DNAJC1: variants seen among roughly 807,000 people sequenced by gnomAD.
The protein encoded by DNAJC1 is dnaJ homolog subfamily C member 1.
DNAJC1 carries 58 observed loss-of-function variants against 76.6 expected under a neutral mutation model. That is an observed-to-expected ratio of 0.76 (90% confidence interval 0.61 to 0.94). DNAJC1 has a LOEUF of 0.94. Ranked by LOEUF, DNAJC1 falls within the 40% of genes least tolerant of loss-of-function variation. The probability of loss-of-function intolerance (pLI) is 0.00; values close to 1 mark genes in which losing one functional copy is unlikely to be tolerated. For synonymous variants in DNAJC1, 258 were observed against 267.9 expected, an observed-to-expected ratio of 0.96 and a Z score of 0.36; for missense variants, 689 against 677.3, an observed-to-expected ratio of 1.02 and a Z score of -0.19.
At chr10:21,774,770 C>T (rs1834432408) in intron 9 of DNAJC1, among the ~76,000 whole-genome samples, 1 of 152,206 alleles carries the variant, frequency 6.6e-6, no homozygotes, top group Non-Finnish European at 1.5e-5. Flanking sequence ...AGCCACCGCG[C>T]CCGGCCTAAA....
intron 1 of DNAJC1, among the ~76,000 whole-genome samples, chr10:21,936,338 A>G (rs1391639104): frequency 6.6e-6 from 1 of 152,244 alleles, no homozygotes; most frequent in East Asian, 1.9e-4. Flanking sequence ...ATTACCCAGC[A>G]TAAAGTATTT....
At chr10:21,998,912 T>A (rs1429433020) in intron 1 of DNAJC1, among the ~76,000 whole-genome samples, 2 of 152,204 alleles carry the variant, frequency 1.3e-5, no homozygotes, top group Non-Finnish European at 2.9e-5. Context: ...TGCCTTACTA[T>A]GAAGAAAATA....
intron 8 of DNAJC1, among the ~76,000 whole-genome samples, chr10:21,862,875 G>A (rs1835939133): frequency 1.3e-5 from 2 of 152,070 alleles, no homozygotes; most frequent in African/African-American, 4.8e-5. Context: ...GCTCACGCCT[G>A]TAATCCCGGT....
chr10:21,991,812 C>T (rs546448074), intron 1 of DNAJC1, among the ~76,000 whole-genome samples: 1 of 152,238 alleles, frequency 6.6e-6, no homozygotes, highest in South Asian at 2.1e-4. Context: ...AACTGATATT[C>T]TACTGAGTTA....
chr10:21,815,395 C>T (rs1305647223), intron 8 of DNAJC1, among the ~76,000 whole-genome samples: 1 of 152,164 alleles, frequency 6.6e-6, no homozygotes, highest in Non-Finnish European at 1.5e-5. Context: ...ATCGCTAATG[C>T]ATCCTGTTAC....
intron 8 of DNAJC1, among the ~76,000 whole-genome samples, chr10:21,839,943 C>T (rs1169010223): frequency 1.3e-5 from 2 of 152,152 alleles, no homozygotes; most frequent in African/African-American, 4.8e-5. Context: ...AAGGCTGGTT[C>T]AACATACGCA....
At chr10:21,987,145 C>T (rs575641871) in intron 1 of DNAJC1, among the ~76,000 whole-genome samples, 37 of 152,274 alleles carry the variant, frequency 2.4e-4, no homozygotes, top group Middle Eastern at 6.8e-3. Context: ...GAAATATAGT[C>T]TTATCCAAAC....
chr10:21,768,589 A>G (rs1834330430), intron 9 of DNAJC1, among the ~76,000 whole-genome samples: 1 of 152,242 alleles, frequency 6.6e-6, no homozygotes, highest in Non-Finnish European at 1.5e-5. Flanking sequence ...GAAATAGATC[A>G]TTTGTTTTCC....
At chr10:21,855,014 T>A (rs919748623) in intron 8 of DNAJC1, among the ~76,000 whole-genome samples, 1 of 152,170 alleles carries the variant, frequency 6.6e-6, no homozygotes, top group African/African-American at 2.4e-5. Flanking sequence ...CTGATAAAAA[T>A]CTACTTTAAC....
At chr10:21,893,796 G>C (rs1463404672) in intron 7 of DNAJC1, among the ~76,000 whole-genome samples, 1 of 151,420 alleles carries the variant, frequency 6.6e-6, no homozygotes, top group East Asian at 1.9e-4. Context: ...CAATCCAAAA[G>C]CAAGCAGAAG....
At chr10:21,780,540 A>C (rs1834514164) in intron 9 of DNAJC1, among the ~76,000 whole-genome samples, 1 of 152,222 alleles carries the variant, frequency 6.6e-6, no homozygotes, top group Admixed American at 6.5e-5. Flanking sequence ...CAGACAAGCA[A>C]ATGCTGAGAG....
At chr10:21,785,545 C>T (rs960743995) in intron 9 of DNAJC1, 3 of 152,058 alleles carry the variant, frequency 2.0e-5, no homozygotes, top group East Asian at 1.9e-4. Flanking sequence ...AGTAGGCAGT[C>T]GAAAATATAA....
At chr10:21,877,608 C>A (rs1212579112) in intron 8 of DNAJC1, among the ~76,000 whole-genome samples, 1 of 152,050 alleles carries the variant, frequency 6.6e-6, no homozygotes, top group African/African-American at 2.4e-5. Context: ...GCAAATTAGA[C>A]CAAAATTAGG....
chr10:21,860,849 T>C (rs1052437350), intron 8 of DNAJC1: 10 of 152,350 alleles, frequency 6.6e-5, no homozygotes, highest in Admixed American at 5.2e-4. Context: ...GGGTGCTTGA[T>C]TAACTTAACA....
At chr10:21,932,639 C>G (rs1188378643) in intron 1 of DNAJC1, among the ~76,000 whole-genome samples, 1 of 152,174 alleles carries the variant, frequency 6.6e-6, no homozygotes, top group Non-Finnish European at 1.5e-5. Flanking sequence ...TCAGAGTTGA[C>G]CTTGTTCTCA....
At chr10:21,953,661 T>C (rs550243320) in intron 1 of DNAJC1, among the ~76,000 whole-genome samples, 3 of 151,808 alleles carry the variant, frequency 2.0e-5, no homozygotes, top group African/African-American at 7.2e-5. Flanking sequence ...ACTTGCAATA[T>C]AAGTAATATC....
At chr10:21,804,873 A>C in intron 9 of DNAJC1, among the ~76,000 whole-genome samples, 1 of 152,144 alleles carries the variant, frequency 6.6e-6, no homozygotes, top group Non-Finnish European at 1.5e-5. Flanking sequence ...ACAAAACTTG[A>C]CAGTACAGGT....
At chr10:21,918,743 A>G in intron 6 of DNAJC1, 36 bp downstream of exon 6, 1 of 1,471,290 alleles carries the variant, frequency 6.8e-7, no homozygotes, top group Non-Finnish European at 9.5e-7. Flanking sequence ...ATTAAAAATA[A>G]AAGATCTAAT....
rs1834181303 is a variant in DNAJC1 at position 21,756,813 on chromosome 10, T to A, written c.1597-58A>T. The A allele has an allele frequency of 3.3e-6, 5 of 1,528,296 alleles. No homozygotes were observed. The African/African-American group carries it at 5.5e-5, about 17-fold the overall frequency. The allele number at this position is 1,528,296 out of a possible 1,614,324, so 94.7% of individuals were successfully genotyped here. On this transcript the variant is annotated intron_variant, in intron 11 of 11. Coordinates refer to ENST00000376980, the MANE Select transcript of DNAJC1 (RefSeq NM_022365.4). The stretch of plus-strand genomic sequence containing the variant: ...TCACTTGCACAAGTCAGTGTGGTCA[T>A]CATGTGGCCGGTCTGCTGGCTTCTG...
Sources: allele counts gnomAD v4.1 joint callset (sites outside exome capture counted in the v4.1 genomes callset), GRCh38; gene constraint gnomAD v4.1.1; transcripts MANE v1.5; gene names NCBI Gene and HGNC (gene_info 2026-07-23, HGNC 2026-07-21).